ABI3BP: variants seen among roughly 807,000 people sequenced by gnomAD.
ABI3BP encodes the protein target of Nesh-SH3.
ABI3BP carries 216 observed loss-of-function variants against 268.6 expected under a neutral mutation model. The observed-to-expected ratio is 0.80, with a 90% CI of 0.72 to 0.90. The LOEUF (loss-of-function observed/expected upper bound fraction) is 0.90, where lower values mean the gene tolerates loss of function less well. Among genes scored for constraint, ABI3BP ranks in the 40% least tolerant of loss-of-function variants. The pLI, the probability that ABI3BP is intolerant of heterozygous loss-of-function variation, is 0.00. For synonymous variants in ABI3BP, 730 were observed against 730.0 expected (o/e 1.00, Z 0.00); for missense variants, 2,090 against 2,182.4 (o/e 0.96, Z 0.84).
intron 19 of ABI3BP, 136 bp downstream of exon 19, chr3:100,847,466 T>C: frequency 3.9e-6 from 3 of 761,860 alleles, no homozygotes; most frequent in Non-Finnish European, 6.7e-6. Flanking sequence ...TGGTGCACTC[T>C]CTGAGATGGG....
chr3:100,854,669 A>C (rs907859830), intron 14 of ABI3BP, among the ~76,000 whole-genome samples: 5 of 152,230 alleles, frequency 3.3e-5, no homozygotes, highest in Admixed American at 6.5e-5. Flanking sequence ...TACAGCTATA[A>C]GACATTAAGC....
intron 1 of ABI3BP, among the ~76,000 whole-genome samples, chr3:100,961,315 G>A (rs1391279818): frequency 1.3e-5 from 2 of 152,166 alleles, no homozygotes; most frequent in Non-Finnish European, 2.9e-5. Flanking sequence ...CAGAAAATTA[G>A]CAAGAAATGC....
chr3:100,801,109 A>G (rs1297008703), intron 51 of ABI3BP, among the ~76,000 whole-genome samples: 1 of 152,112 alleles, frequency 6.6e-6, no homozygotes, highest in Non-Finnish European at 1.5e-5. Context: ...TATTTGCTGA[A>G]TTGAACATGC....
rs186123282 is a variant in ABI3BP at position 100,958,460 on chromosome 3, G to A, written c.80-31979C>T. On this transcript the variant is annotated intron_variant, in intron 1 of 67. Transcript: ENST00000471714. ...TACCATATGATAAATATCCTGTAAT[G>A]TATACATTGGGAAAACTAATAAAAG... Among the ~76,000 whole-genome samples, 656 of 152,330 alleles carry A rather than the reference G, an allele frequency of 4.3e-3. 5 individuals carry two copies. Among genetic ancestry groups the A allele is most frequent in the African/African-American group, 0.015 (622 of 41,572 alleles).
At chr3:100,947,839 C>G (rs922904604) in intron 1 of ABI3BP, among the ~76,000 whole-genome samples, 2 of 152,000 alleles carry the variant, frequency 1.3e-5, no homozygotes, top group African/African-American at 4.8e-5. Flanking sequence ...GAAATAGACC[C>G]AAGGGAACAC....
chr3:100,854,188 T>TTAAA (rs2098908126), intron 14 of ABI3BP, among the ~76,000 whole-genome samples: 1 of 128,936 alleles, frequency 7.8e-6, no homozygotes, highest in African/African-American at 2.9e-5. Flanking sequence ...CTGTCTCTAC[T>TTAAA]AAAAAAAAAA....
chr3:100,945,615 C>G, intron 1 of ABI3BP: 1 of 447,114 alleles, frequency 2.2e-6, no homozygotes, highest in South Asian at 1.6e-5. Context: ...TTCTTTCATT[C>G]AGCATCATTT....
intron 14 of ABI3BP, among the ~76,000 whole-genome samples, chr3:100,855,325 A>T (rs1027656660): frequency 2.0e-5 from 3 of 152,252 alleles, no homozygotes; most frequent in Non-Finnish European, 2.9e-5. Flanking sequence ...CTGTGGAAAC[A>T]TGTGATGGCA....
At chr3:100,764,723 T>G (rs139476356) in intron 63 of ABI3BP, among the ~76,000 whole-genome samples, 2 of 152,334 alleles carry the variant, frequency 1.3e-5, no homozygotes, top group Non-Finnish European at 2.9e-5. Context: ...TTTCTTTCAC[T>G]CATTCCTTCA....
chr3:100,887,023 C>A (rs1225183717), intron 4 of ABI3BP, among the ~76,000 whole-genome samples: 1 of 151,838 alleles, frequency 6.6e-6, no homozygotes, highest in Non-Finnish European at 1.5e-5. Flanking sequence ...ACATATATTA[C>A]CTGGTTTAAT....
chr3:100,804,386 T>C (rs1262761221), intron 51 of ABI3BP, among the ~76,000 whole-genome samples: 5 of 152,204 alleles, frequency 3.3e-5, no homozygotes, highest in African/African-American at 7.2e-5. Flanking sequence ...GTACAATTTA[T>C]GTATCCAAGT....
intron 14 of ABI3BP, 135 bp downstream of exon 14, chr3:100,862,176 A>G (rs1335425572): frequency 4.6e-6 from 3 of 658,134 alleles, no homozygotes; most frequent in Non-Finnish European, 5.1e-6. Context: ...GGTTCATCTC[A>G]GTATCAACAA....
At chr3:100,862,407 T>C in intron 13 of ABI3BP, 22 bp from the exon 14 acceptor site, 1 of 1,525,376 alleles carries the variant, frequency 6.6e-7, no homozygotes, top group Non-Finnish European at 8.8e-7. Context: ...AGAAATGGAA[T>C]TTGCTGAAGA....
chr3:100,949,368 G>A (rs980977509), intron 1 of ABI3BP, among the ~76,000 whole-genome samples: 4 of 152,120 alleles, frequency 2.6e-5, no homozygotes, highest in African/African-American at 9.7e-5. Context: ...CAATTCTCGT[G>A]CCTCAGTCTC....
At chr3:100,754,206 T>G (rs1011524574) in intron 64 of ABI3BP, among the ~76,000 whole-genome samples, 39 of 152,370 alleles carry the variant, frequency 2.6e-4, no homozygotes, top group African/African-American at 9.4e-4. Context: ...ATAAAAATTA[T>G]GCAAATATTA....
chr3:100,932,728 A>G (rs933021545), intron 1 of ABI3BP, among the ~76,000 whole-genome samples: 46 of 152,218 alleles, frequency 3.0e-4, no homozygotes, highest in African/African-American at 1.0e-3. Context: ...GAGAAAAGGG[A>G]ATGTTTACAC....
intron 2 of ABI3BP, among the ~76,000 whole-genome samples, chr3:100,914,967 G>A (rs1286408359): frequency 6.6e-6 from 1 of 152,194 alleles, no homozygotes; most frequent in Non-Finnish European, 1.5e-5. Flanking sequence ...ACCCACGGCT[G>A]ACTACATAAT....
intron 26 of ABI3BP, 69 bp downstream of exon 26, chr3:100,838,140 AT>A: frequency 1.4e-6 from 2 of 1,430,316 alleles, no homozygotes; most frequent in Non-Finnish European, 1.9e-6. Context: ...GATATGACAG[AT>A]TGGAAACATT....
At chr3:100,986,869 T>A (rs2091912975) in intron 1 of ABI3BP, among the ~76,000 whole-genome samples, 1 of 152,216 alleles carries the variant, frequency 6.6e-6, no homozygotes, top group Non-Finnish European at 1.5e-5. Context: ...GGTTATCATC[T>A]TTTAAAATGT....
Sources: allele counts gnomAD v4.1 joint callset (sites outside exome capture counted in the v4.1 genomes callset), GRCh38; gene constraint gnomAD v4.1.1; transcripts MANE v1.5; gene names NCBI Gene and HGNC (gene_info 2026-07-23, HGNC 2026-07-21).